Variants in HDAC9 observed in about 807,000 individuals in gnomAD.
HDAC9 encodes MEF-2 interacting transcription repressor (MITR) protein.
A neutral mutation model predicts 139.4 loss-of-function variants in HDAC9; 41 were observed. That is an observed-to-expected ratio of 0.29 (90% CI 0.23 to 0.38). The LOEUF (loss-of-function observed/expected upper bound fraction) is 0.38. Ranked by LOEUF, HDAC9 falls within the 10% of genes least tolerant of loss-of-function variation. HDAC9 has a pLI of 1.00. For synonymous variants in HDAC9, 517 were observed against 476.2 expected, an observed-to-expected ratio of 1.09 and a Z score of -1.12; for missense variants, 1,147 against 1,297.0, an observed-to-expected ratio of 0.88 and a Z score of 1.78.
At position 18,645,795 on chromosome 7, in the gene HDAC9, T is replaced by A. The variant is rs1038762477; in HGVS notation, c.1035+1002T>A. Among the ~76,000 whole-genome samples the A allele has an allele frequency of 5.3e-5, 8 of 152,162 alleles. No homozygotes were observed. The South Asian group carries it at 1.4e-3, about 28-fold the overall frequency. ...AGTTTGGCCAATCTTTACCTTCAAG[T>A]CTTCCACTGAGTTGAATGTGTCAAG... On this transcript the variant is annotated intron_variant, in intron 9 of 25. Transcript: ENST00000686413.
intron 16 of HDAC9, among the ~76,000 whole-genome samples, chr7:18,767,472 GA>G (rs1390648627): frequency 7.2e-5 from 11 of 152,206 alleles, no homozygotes; most frequent in South Asian, 2.1e-4. Flanking sequence ...TATAGCTGGA[GA>G]AAAGGTGCTT....
chr7:18,583,509 A>T (rs1828460243), intron 2 of HDAC9, among the ~76,000 whole-genome samples: 1 of 152,062 alleles, frequency 6.6e-6, no homozygotes, highest in South Asian at 2.1e-4. Context: ...ACTTGAGGTC[A>T]GGAATTCAAG....
intron 2 of HDAC9, among the ~76,000 whole-genome samples, chr7:18,258,749 AAAAG>A (rs1383812982): frequency 1.3e-4 from 20 of 152,194 alleles, no homozygotes; most frequent in African/African-American, 4.6e-4. Context: ...TTCTTGAAAG[AAAAG>A]AAAGGGAAAA....
At chr7:18,923,390 C>T (rs1803933059) in intron 22 of HDAC9, among the ~76,000 whole-genome samples, 1 of 152,010 alleles carries the variant, frequency 6.6e-6, no homozygotes, top group Non-Finnish European at 1.5e-5. Flanking sequence ...TCATTATAGA[C>T]CCTTGTTGAA....
intron 2 of HDAC9, among the ~76,000 whole-genome samples, chr7:18,530,711 T>C (rs1348087690): frequency 2.0e-5 from 3 of 151,772 alleles, no homozygotes; most frequent in Non-Finnish European, 4.4e-5. Flanking sequence ...CCTGAGGGAT[T>C]TCCCCCAGTG....
chr7:18,932,781 G>A (rs545110333), intron 22 of HDAC9, among the ~76,000 whole-genome samples: 35 of 148,020 alleles, frequency 2.4e-4, no homozygotes, highest in South Asian at 1.1e-3. Flanking sequence ...GAGAAAGAAC[G>A]TAAGAGAGAA....
intron 2 of HDAC9, among the ~76,000 whole-genome samples, chr7:18,213,538 T>C (rs1008984054): frequency 5.3e-5 from 8 of 152,152 alleles, no homozygotes; most frequent in Non-Finnish European, 1.0e-4. Flanking sequence ...TTTTCTCTGT[T>C]AGTCTTATGT....
intron 12 of HDAC9, among the ~76,000 whole-genome samples, chr7:18,682,913 G>A (rs561640518): frequency 8.6e-5 from 13 of 151,988 alleles, no homozygotes; most frequent in South Asian, 2.1e-4. Flanking sequence ...CCTAGGAAGC[G>A]GAGGTTGCAG....
chr7:18,122,219 A>G (rs995715337), intron 1 of HDAC9, among the ~76,000 whole-genome samples: 2 of 152,220 alleles, frequency 1.3e-5, no homozygotes, highest in Non-Finnish European at 2.9e-5. Flanking sequence ...TTTAGAGACC[A>G]TATGCATATT....
intron 9 of HDAC9, among the ~76,000 whole-genome samples, chr7:18,645,807 T>A (rs572542500): frequency 4.2e-4 from 64 of 152,296 alleles, no homozygotes; most frequent in African/African-American, 1.5e-3. Context: ...TTCCACTGAG[T>A]TGAATGTGTC....
intron 1 of HDAC9, among the ~76,000 whole-genome samples, chr7:18,378,167 T>C (rs1347789102): frequency 2.0e-5 from 3 of 152,148 alleles, no homozygotes; most frequent in South Asian, 2.1e-4. Context: ...GACTGAATGA[T>C]TGAGTGCAGA....
At chr7:18,941,089 A>C (rs1226114269) in intron 23 of HDAC9, among the ~76,000 whole-genome samples, 3 of 152,026 alleles carry the variant, frequency 2.0e-5, no homozygotes, top group Admixed American at 6.6e-5. Context: ...TTACACTTGG[A>C]GCATATAGCA....
intron 2 of HDAC9, among the ~76,000 whole-genome samples, chr7:18,508,519 T>C (rs1346074673): frequency 6.6e-6 from 1 of 152,160 alleles, no homozygotes; most frequent in Non-Finnish European, 1.5e-5. Flanking sequence ...TGCCTCTCTC[T>C]TGTATTCATA....
intron 21 of HDAC9, among the ~76,000 whole-genome samples, chr7:18,854,613 AAG>A (rs139704175): frequency 0.015 from 2,295 of 152,172 alleles, 17 homozygotes; most frequent in Non-Finnish European, 0.025. Context: ...GAAAGAAACA[AAG>A]AGAAATAGAG....
At chr7:18,151,804 A>T (rs1786802156) in intron 1 of HDAC9, 1 of 152,222 alleles carries the variant, frequency 6.6e-6, no homozygotes, top group Non-Finnish European at 1.5e-5. Context: ...TAATTTTGAC[A>T]GTGGAAATGT....
intron 2 of HDAC9, among the ~76,000 whole-genome samples, chr7:18,169,050 G>C (rs887775699): frequency 4.4e-4 from 67 of 151,832 alleles, no homozygotes; most frequent in African/African-American, 1.5e-3. Context: ...CAATTCTTCT[G>C]CCTCAGTCTC....
Position 18,538,802 on chromosome 7 carries a change from G to A in HDAC9, c.22+42478G>A, listed in dbSNP as rs147690587. On this transcript the variant is annotated intron_variant, in intron 2 of 25. Coordinates refer to ENST00000686413, the MANE Select transcript of HDAC9 (RefSeq NM_178425.4). Reference sequence around the variant, plus strand: ...AACCTCTTTAACCAAGTTTCATTCTGTTTTCTACTTCTGTGTTAGAATGCT... The same window carrying A: ...AACCTCTTTAACCAAGTTTCATTCTATTTTCTACTTCTGTGTTAGAATGCT... 7.7e-3 allele frequency among the ~76,000 whole-genome samples: 1,169 copies of A among 152,250 alleles called. 1 individual carries two copies. The highest frequency in any genetic ancestry group is 0.013 in the Non-Finnish European group (854 of 68,016).
At position 18,410,472 on chromosome 7, in the gene HDAC9, T is replaced by A. The variant is rs189347636; in HGVS notation, c.-41-85790T>A. 2.4e-4 allele frequency among the ~76,000 whole-genome samples: 37 copies of A among 152,296 alleles called. 1 individual carries two copies. Among genetic ancestry groups the A allele is most frequent in the Admixed American group, 1.2e-3 (19 of 15,294 alleles). On this transcript the variant is annotated intron_variant, in intron 1 of 3. Transcript: ENST00000413509. Reference sequence around the variant, plus strand: ...AGTTCTTTGTTTCAACAAAGAATGTTTTCTGAGCGTGACAATTGTGTGCAT... The same window carrying A: ...AGTTCTTTGTTTCAACAAAGAATGTATTCTGAGCGTGACAATTGTGTGCAT...
At chr7:18,555,356 G>A (rs117858349) in intron 2 of HDAC9, among the ~76,000 whole-genome samples, 16 of 152,250 alleles carry the variant, frequency 1.1e-4, no homozygotes, top group East Asian at 9.6e-4. Context: ...AAAAAATTCC[G>A]AAGTCTTCAA....
Sources: gnomAD v4.1 joint callset for allele counts (sites outside exome capture counted in the v4.1 genomes callset) on GRCh38, gnomAD v4.1.1 for gene constraint, MANE v1.5 for transcripts, NCBI Gene and HGNC (gene_info 2026-07-23, HGNC 2026-07-21) for gene names.